Variants in BANK1 observed in about 807,000 individuals in gnomAD.
BANK1 encodes the protein B cell scaffold protein with ankyrin repeats 1, also known as B-cell scaffold protein with ankyrin repeats.
In BANK1, 95 loss-of-function variants were observed where a neutral mutation model predicts 94.5. The observed-to-expected ratio is 1.00, with a 90% confidence interval of 0.85 to 1.19. The LOEUF is 1.19. Among genes scored for constraint, BANK1 ranks in the 50% most tolerant of loss-of-function variants. The probability of loss-of-function intolerance (pLI) is 0.00; values close to 1 mark genes in which losing one functional copy is unlikely to be tolerated. For missense variants in BANK1, 987 were observed against 932.2 expected (o/e 1.06, Z -0.77); for synonymous variants, 334 against 308.4 (o/e 1.08, Z -0.87).
intron 10 of BANK1, among the ~76,000 whole-genome samples, chr4:102,038,530 C>G (rs1242067616): frequency 6.6e-6 from 1 of 152,102 alleles, no homozygotes; most frequent in Non-Finnish European, 1.5e-5. Flanking sequence ...CAGTGCTATA[C>G]AAGCAATAGT....
At position 102,038,337 on chromosome 4, in the gene BANK1, G is replaced by A. The variant is rs532205662; in HGVS notation, c.1901-5502G>A. Among the ~76,000 whole-genome samples the A allele has an allele frequency of 1.8e-4, 27 of 152,260 alleles. No individual in the cohort carries two copies. In the South Asian group the frequency reaches 5.6e-3, roughly 32 times the overall value. On this transcript the variant is annotated intron_variant, in intron 10 of 16. Coordinates refer to ENST00000322953, the MANE Select transcript of BANK1 (RefSeq NM_017935.5). Reference sequence around the variant, plus strand: ...TGAACCAAAAAGTAAACTCATTATAGTTTGCAGAGTCTTCCATTGGCTGCC... The same window carrying A: ...TGAACCAAAAAGTAAACTCATTATAATTTGCAGAGTCTTCCATTGGCTGCC...
At chr4:101,797,065 C>T (rs932744509) in intron 1 of BANK1, among the ~76,000 whole-genome samples, 16 of 151,962 alleles carry the variant, frequency 1.1e-4, no homozygotes, top group African/African-American at 3.9e-4. Context: ...AGTCTTTTAC[C>T]AGCCTATTTT....
intron 10 of BANK1, 149 bp downstream of exon 10, chr4:102,030,414 A>ATT: frequency 1.4e-6 from 1 of 698,332 alleles, no homozygotes; most frequent in Non-Finnish European, 2.3e-6. Flanking sequence ...ATACTGGCTC[A>ATT]TTTTTTTTCC....
chr4:101,833,686 A>T (rs1295991185), intron 2 of BANK1, among the ~76,000 whole-genome samples: 2 of 152,132 alleles, frequency 1.3e-5, no homozygotes, highest in Non-Finnish European at 2.9e-5. Context: ...TGTTTTAGGA[A>T]ACAGTTCATT....
At position 101,801,870 on chromosome 4, in the gene BANK1, A is replaced by G. The variant is rs1203182655; in HGVS notation, c.70+10920A>G. Among the ~76,000 whole-genome samples the G allele has an allele frequency of 3.3e-5, 5 of 152,210 alleles. No homozygotes were observed. The East Asian group carries it at 9.6e-4, about 29-fold the overall frequency. ...ATTGTAATATTTGCTGCTGTTGAAC[A>G]CTTTTTAACACTCATTGTGTCAAAT... On this transcript the variant is annotated intron_variant, in intron 1 of 16. Coordinates refer to ENST00000322953, the MANE Select transcript of BANK1 (RefSeq NM_017935.5).
intron 7 of BANK1, among the ~76,000 whole-genome samples, chr4:102,017,674 A>G (rs1002817171): frequency 3.3e-5 from 5 of 152,234 alleles, no homozygotes; most frequent in Admixed American, 1.3e-4. Flanking sequence ...CTCCATTTCT[A>G]CAAAGCAGGG....
chr4:101,824,830 T>A (rs1426394261), intron 1 of BANK1, among the ~76,000 whole-genome samples: 2 of 152,154 alleles, frequency 1.3e-5, no homozygotes, highest in Middle Eastern at 3.2e-3. Flanking sequence ...AAATCTGCCA[T>A]TTGAAGCTGT....
intron 1 of BANK1, among the ~76,000 whole-genome samples, chr4:101,797,341 A>G (rs574977552): frequency 6.6e-6 from 1 of 152,310 alleles, no homozygotes; most frequent in African/African-American, 2.4e-5. Flanking sequence ...AAAGTAAACC[A>G]AAACCTAATT....
intron 5 of BANK1, among the ~76,000 whole-genome samples, chr4:101,882,219 A>G (rs1318307125): frequency 6.6e-6 from 1 of 152,152 alleles, no homozygotes; most frequent in African/African-American, 2.4e-5. Flanking sequence ...ACCCACAGAA[A>G]TCAAAATTTA....
chr4:101,977,413 A>C (rs976654), intron 7 of BANK1, among the ~76,000 whole-genome samples: 56,324 of 151,936 alleles, frequency 0.37, 11,090 homozygotes, highest in Non-Finnish European at 0.43. Context: ...TTTAAACAGC[A>C]CTAATGACGC....
At position 101,888,953 on chromosome 4, in the gene BANK1, C is replaced by G. The variant is rs1277110880; in HGVS notation, c.904-6352C>G. 5.3e-5 allele frequency among the ~76,000 whole-genome samples: 8 copies of G among 152,156 alleles called. 1 individual carries two copies. Among genetic ancestry groups the G allele is most frequent in the Admixed American group, 5.2e-4 (8 of 15,274 alleles). ...TTTGCTCAGTGTTCACACCCCTCAT[C>G]AAAGAGAGGAGTGAAATCCAACTTC... On this transcript the variant is annotated intron_variant, in intron 5 of 16. Transcript: ENST00000322953.
At chr4:101,954,266 A>C (rs1446842864) in intron 7 of BANK1, among the ~76,000 whole-genome samples, 1 of 152,176 alleles carries the variant, frequency 6.6e-6, no homozygotes, top group Non-Finnish European at 1.5e-5. Context: ...TCTTCAAATA[A>C]GGTTACATTC....
At chr4:101,987,461 AG>A (rs1725552419) in intron 7 of BANK1, among the ~76,000 whole-genome samples, 1 of 152,164 alleles carries the variant, frequency 6.6e-6, no homozygotes, top group South Asian at 2.1e-4. Flanking sequence ...TTAACCACCC[AG>A]TATACTCCCT....
chr4:101,822,451 A>G (rs960805569), intron 1 of BANK1, among the ~76,000 whole-genome samples: 2 of 152,084 alleles, frequency 1.3e-5, no homozygotes, highest in Non-Finnish European at 2.9e-5. Flanking sequence ...AAATTCTCTA[A>G]AGTTACCATA....
intron 5 of BANK1, among the ~76,000 whole-genome samples, chr4:101,894,093 T>C (rs549868526): frequency 1.3e-5 from 2 of 152,180 alleles, no homozygotes; most frequent in East Asian, 3.9e-4. Context: ...CTTCGTGCAA[T>C]TGAGGCAGTT....
At chr4:102,023,220 A>G (rs1048114173) in intron 8 of BANK1, among the ~76,000 whole-genome samples, 2 of 152,196 alleles carry the variant, frequency 1.3e-5, no homozygotes, top group African/African-American at 4.8e-5. Flanking sequence ...AAATAAAGTT[A>G]AATACAAGTA....
At chr4:101,898,280 A>C (rs1327794050) in intron 6 of BANK1, among the ~76,000 whole-genome samples, 1 of 151,924 alleles carries the variant, frequency 6.6e-6, no homozygotes, top group South Asian at 2.1e-4. Flanking sequence ...AAGACTTTGC[A>C]CCTGTGTTTC....
chr4:101,986,837 ATATATGTG>A (rs1490214543), intron 7 of BANK1, among the ~76,000 whole-genome samples: 10 of 67,832 alleles, frequency 1.5e-4, no homozygotes, highest in South Asian at 6.0e-4. Flanking sequence ...ATATATGTAT[ATATATGTG>A]TATATATATG....
chr4:101,922,314 AT>A (rs1723027032), intron 7 of BANK1, among the ~76,000 whole-genome samples: 1 of 151,642 alleles, frequency 6.6e-6, no homozygotes, highest in South Asian at 2.1e-4. Context: ...CCCTCTCAGT[AT>A]TTTACAAGTA....
Sources: allele counts gnomAD v4.1 joint callset (sites outside exome capture counted in the v4.1 genomes callset), GRCh38; gene constraint gnomAD v4.1.1; transcripts MANE v1.5; gene names NCBI Gene and HGNC (gene_info 2026-07-23, HGNC 2026-07-21).